Variants in OLFM3 observed in about 807,000 individuals in gnomAD.
The protein encoded by OLFM3 is noelin-3.
Under a neutral mutation model 48.6 loss-of-function variants are expected in OLFM3, and 20 were observed. The observed-to-expected ratio is 0.41, with a 90% CI of 0.29 to 0.60. The LOEUF is 0.60. Among genes scored for constraint, OLFM3 ranks in the 20% least tolerant of loss-of-function variants. The pLI, the probability that OLFM3 is intolerant of heterozygous loss-of-function variation, is 0.28. For synonymous variants in OLFM3, 222 were observed against 198.1 expected, an observed-to-expected ratio of 1.12 and a Z score of -1.01; for missense variants, 437 against 544.3, an observed-to-expected ratio of 0.80 and a Z score of 1.96.
At chr1:101,905,243 C>G (rs1325421478) in intron 1 of OLFM3, among the ~76,000 whole-genome samples, 1 of 152,094 alleles carries the variant, frequency 6.6e-6, no homozygotes, top group Non-Finnish European at 1.5e-5. Flanking sequence ...AAGAAAACAC[C>G]TCCCCCAGTT....
intron 1 of OLFM3, among the ~76,000 whole-genome samples, chr1:101,864,617 A>C (rs1656786605): frequency 6.6e-6 from 1 of 152,082 alleles, no homozygotes; most frequent in South Asian, 2.1e-4. Context: ...ATAATGCATG[A>C]TTTTGGAAAG....
intron 1 of OLFM3, among the ~76,000 whole-genome samples, chr1:101,905,085 G>A (rs1175089037): frequency 1.3e-5 from 2 of 152,116 alleles, no homozygotes; most frequent in Non-Finnish European, 1.5e-5. Context: ...TGATAGATGT[G>A]TACTCATCAG....
intron 4 of OLFM3, among the ~76,000 whole-genome samples, chr1:101,823,308 A>T (rs955213762): frequency 1.3e-5 from 2 of 152,080 alleles, no homozygotes; most frequent in African/African-American, 4.8e-5. Context: ...ACACCAGCTT[A>T]GTCTGGGAGG....
At chr1:101,973,576 T>C (rs972939727) in intron 1 of OLFM3, among the ~76,000 whole-genome samples, 1 of 152,114 alleles carries the variant, frequency 6.6e-6, no homozygotes, top group Non-Finnish European at 1.5e-5. Context: ...TTAACCTTCA[T>C]AGAGGCCATG....
chr1:101,883,746 A>G (rs899352863), intron 1 of OLFM3, among the ~76,000 whole-genome samples: 2 of 151,970 alleles, frequency 1.3e-5, no homozygotes, highest in Non-Finnish European at 2.9e-5. Context: ...ACTTACATAC[A>G]TATAATTGCA....
chr1:101,976,732 T>A (rs959906288), intron 1 of OLFM3, among the ~76,000 whole-genome samples: 1 of 152,182 alleles, frequency 6.6e-6, no homozygotes, highest in African/African-American at 2.4e-5. Flanking sequence ...TCATGAGTTT[T>A]TAACCACTTA....
In OLFM3 at chr1:101,836,915, A is replaced by G. The variant is rs1324554529; in HGVS notation, c.180T>C (p.Asp60=). 2.5e-6 allele frequency: 4 copies of G among 1,614,014 alleles called. No individual in the cohort carries two copies. Among genetic ancestry groups the G allele is most frequent in the Non-Finnish European group, 3.4e-6 (4 of 1,179,966 alleles). Residue 60 remains aspartate (D), a synonymous_variant, in exon 2 of 6, where the codon GAT becomes GAC. Transcript: ENST00000370103. ...GTTGGCGAAGTTGCCTGCTTTTGGC[A>G]TCCCGGGAACACAGGTTTTGTTCTG... ...VAPEQNLCSR[D]AKSRQLRQLL... is the part of the protein sequence containing the mutation.
chr1:101,853,968 A>G (rs1656322359), intron 1 of OLFM3, among the ~76,000 whole-genome samples: 1 of 152,052 alleles, frequency 6.6e-6, no homozygotes, highest in Non-Finnish European at 1.5e-5. Flanking sequence ...GGAACCCTAC[A>G]TAAATATGGA....
At position 101,996,893 on chromosome 1, in the gene OLFM3, A is replaced by C. The variant is rs567533958; in HGVS notation, c.-77T>G. The stretch of plus-strand genomic sequence containing the variant: ...TCACTGCAGAGACCTTTCCCTCGTC[A>C]GTTGCACTTTCTGCCTGCCAGTCAG... On this transcript the variant is annotated 5_prime_UTR_variant, in exon 1 of 6. Coordinates refer to ENST00000370103, the MANE Select transcript of OLFM3 (RefSeq NM_058170.4). 3 of 696,132 alleles carry C rather than the reference A, an allele frequency of 4.3e-6. No individual in the cohort carries two copies. Among genetic ancestry groups the C allele is most frequent in the South Asian group, 5.4e-5 (2 of 37,058 alleles). The allele number at this position is 696,132 out of a possible 1,614,324, so 43.1% of individuals were successfully genotyped here.
At chr1:101,968,090 T>C (rs935773056) in intron 1 of OLFM3, among the ~76,000 whole-genome samples, 1 of 152,202 alleles carries the variant, frequency 6.6e-6, no homozygotes, top group Non-Finnish European at 1.5e-5. Flanking sequence ...ACAAGGCAGC[T>C]GAGGCAACAA....
At chr1:101,856,774 T>C (rs1307017623) in intron 1 of OLFM3, among the ~76,000 whole-genome samples, 1 of 151,934 alleles carries the variant, frequency 6.6e-6, no homozygotes, top group East Asian at 1.9e-4. Flanking sequence ...TTCTGAAAAT[T>C]TAAGATTAAT....
At chr1:101,989,554 G>T (rs1251844050) in intron 1 of OLFM3, among the ~76,000 whole-genome samples, 1 of 109,128 alleles carries the variant, frequency 9.2e-6, no homozygotes, top group East Asian at 2.1e-4. Context: ...TCGTGAGTGG[G>T]GTCTATTCTA....
intron 1 of OLFM3, among the ~76,000 whole-genome samples, chr1:101,854,828 C>CT (rs1191401104): frequency 1.3e-5 from 2 of 151,990 alleles, no homozygotes; most frequent in East Asian, 3.9e-4. Context: ...CCTCCCAGAG[C>CT]TGTGGTGTTC....
chr1:101,925,010 G>A (rs146805902), intron 1 of OLFM3, among the ~76,000 whole-genome samples: 1 of 152,220 alleles, frequency 6.6e-6, no homozygotes, highest in East Asian at 1.9e-4. Flanking sequence ...GAGGTTAAGA[G>A]ACATGAAATA....
At chr1:101,866,888 G>A (rs921330434) in intron 1 of OLFM3, among the ~76,000 whole-genome samples, 5 of 152,088 alleles carry the variant, frequency 3.3e-5, no homozygotes, top group Admixed American at 3.3e-4. Context: ...TACATGTTGT[G>A]CCTGAGAGAA....
intron 1 of OLFM3, among the ~76,000 whole-genome samples, chr1:101,914,602 T>C (rs1021659624): frequency 6.6e-6 from 1 of 152,190 alleles, no homozygotes; most frequent in Non-Finnish European, 1.5e-5. Context: ...TGTGCCAACA[T>C]AGATGTTACT....
intron 4 of OLFM3, chr1:101,812,337 T>A (rs947584323): frequency 8.2e-5 from 64 of 785,178 alleles, no homozygotes; most frequent in Non-Finnish European, 9.0e-5. Context: ...AGTGTAATTT[T>A]AAAAATATAT....
intron 1 of OLFM3, among the ~76,000 whole-genome samples, chr1:101,961,031 C>A (rs1439439638): frequency 2.6e-5 from 4 of 152,044 alleles, no homozygotes; most frequent in African/African-American, 9.7e-5. Flanking sequence ...TATGATGAGA[C>A]TATTTGGATA....
At chr1:101,949,893 GCA>G (rs1239757981) in intron 1 of OLFM3, among the ~76,000 whole-genome samples, 17 of 129,696 alleles carry the variant, frequency 1.3e-4, no homozygotes, top group African/African-American at 4.1e-4. Context: ...TCGCGCCACT[GCA>G]CACTCCAGCC....
Sources: gnomAD v4.1 joint callset for allele counts (sites outside exome capture counted in the v4.1 genomes callset) on GRCh38, gnomAD v4.1.1 for gene constraint, MANE v1.5 for transcripts, NCBI Gene and HGNC (gene_info 2026-07-23, HGNC 2026-07-21) for gene names.